Variants in RASA3 observed in about 807,000 individuals in gnomAD.
The protein encoded by RASA3 is ras GTPase-activating protein 3.
A neutral mutation model predicts 110.0 loss-of-function variants in RASA3; 73 were observed. That is an observed-to-expected ratio of 0.66 (90% CI 0.55 to 0.81). RASA3 has a LOEUF of 0.81. Among genes scored for constraint, RASA3 ranks in the 30% least tolerant of loss-of-function variants. The pLI is 0.00. For synonymous variants in RASA3, 500 were observed against 451.4 expected (o/e 1.11, Z -1.37); for missense variants, 976 against 1,113.2 (o/e 0.88, Z 1.75).
chr13:114,014,122 C>T lies in RASA3; in HGVS notation c.1406-874G>A, dbSNP rs2053737529. Among the ~76,000 whole-genome samples, 1 of 150,782 alleles carries T rather than the reference C, an allele frequency of 6.6e-6. No individual in the cohort carries two copies. The highest frequency in any genetic ancestry group is 2.1e-4 in the South Asian group (1 of 4,810). On this transcript the variant is annotated intron_variant, in intron 14 of 23. Coordinates refer to ENST00000334062, the MANE Select transcript of RASA3 (RefSeq NM_007368.4). The surrounding 1 kb of genome is among the most constrained non-coding windows in gnomAD (Gnocchi z 4.5). Reference sequence around the variant, plus strand: ...TCTCTCCCTGTCTCTCTCTCTCTCTCCTTGTCTCTCTCTGTCTCTCTCCTT... The same window carrying T: ...TCTCTCCCTGTCTCTCTCTCTCTCTTCTTGTCTCTCTCTGTCTCTCTCCTT...
chr13:114,047,373 G>A lies in RASA3; in HGVS notation c.277+4679C>T, dbSNP rs1057402064. On this transcript the variant is annotated intron_variant, in intron 3 of 23. Transcript: ENST00000334062. ...AGTACACACCTATGGGAGTGCAAAC[G>A]GTAACTAGAGAATAAAAACTCACAG... 3.3e-5 allele frequency among the ~76,000 whole-genome samples: 5 copies of A among 152,294 alleles called. 1 individual carries two copies. The highest frequency in any genetic ancestry group is 9.6e-5 in the African/African-American group (4 of 41,564).
At chr13:114,036,154 TCGCTGGCATCTGA>T (rs1304082666) in intron 4 of RASA3, 1 of 152,256 alleles carries the variant, frequency 6.6e-6, no homozygotes, top group Non-Finnish European at 1.5e-5. Context: ...GGCGGTGCCC[TCGCTGGCATCTGA>T]CGCTGGCATC....
chr13:114,019,225 C>G lies in RASA3; in HGVS notation c.786-306G>C, dbSNP rs559121513. 3.9e-5 allele frequency among the ~76,000 whole-genome samples: 6 copies of G among 152,302 alleles called. No individual in the cohort carries two copies. The South Asian group carries it at 1.2e-3, about 32-fold the overall frequency. On this transcript the variant is annotated intron_variant, in intron 9 of 23. Coordinates refer to ENST00000334062, the MANE Select transcript of RASA3 (RefSeq NM_007368.4). The stretch of plus-strand genomic sequence containing the variant: ...ACCGGCACAGAAGTGGTCAGTGACC[C>G]GCCCTAAGACCCACACCCAGCAGTG...
At chr13:114,066,105 G>A (rs1168831814) in intron 2 of RASA3, among the ~76,000 whole-genome samples, 5 of 147,510 alleles carry the variant, frequency 3.4e-5, no homozygotes, top group Non-Finnish European at 4.4e-5. Flanking sequence ...AGCACCCCGG[G>A]ACACTGTGGC....
chr13:113,993,456 G>A (rs1450815013), intron 21 of RASA3, among the ~76,000 whole-genome samples: 6 of 152,064 alleles, frequency 3.9e-5, no homozygotes, highest in Admixed American at 1.3e-4. Context: ...GATTACAGGC[G>A]TGAGCCACTG....
intron 3 of RASA3, among the ~76,000 whole-genome samples, chr13:114,042,088 A>G (rs898843798): frequency 2.0e-5 from 3 of 152,378 alleles, no homozygotes; most frequent in South Asian, 4.1e-4. Context: ...GTATGGATTT[A>G]TATGTGTAAA....
chr13:114,040,629 C>T (rs1025741444), intron 4 of RASA3, among the ~76,000 whole-genome samples: 3 of 139,766 alleles, frequency 2.1e-5, no homozygotes, highest in Non-Finnish European at 3.1e-5. Flanking sequence ...GGCGAACACG[C>T]ACAACCCAAA....
At chr13:114,037,986 T>C (rs2054312272) in intron 4 of RASA3, among the ~76,000 whole-genome samples, 1 of 151,858 alleles carries the variant, frequency 6.6e-6, no homozygotes, top group East Asian at 1.9e-4. Flanking sequence ...CCTTCCGTTT[T>C]CAGGGAAAGG....
chr13:114,089,299 A>AG lies in RASA3; in HGVS notation c.56-15463dup, dbSNP rs941894354. 4.1e-4 allele frequency among the ~76,000 whole-genome samples: 6 copies of AG among 14,784 alleles called. No individual in the cohort carries two copies. The East Asian group carries it at 8.4e-3, about 21-fold the overall frequency. The allele number at this position is 14,784 out of a possible 152,430, so 9.7% of individuals were successfully genotyped here. A position where few individuals can be genotyped will look rare whatever the true frequency, so the allele number is the denominator to read the frequency against. ...AGACGAGGGGAGACGAGCGGGGAGG[A>AG]GGGGGGGAGGAGGGGGGAGGGGGAA... On this transcript the variant is annotated intron_variant, in intron 1 of 23. Coordinates refer to ENST00000334062, the MANE Select transcript of RASA3 (RefSeq NM_007368.4).
rs747411335 is a variant in RASA3, at chr13:114,015,260, T to G, written c.1354A>C (p.Met452Leu). The G allele has an allele frequency of 2.5e-6, 4 of 1,613,088 alleles. No individual in the cohort carries two copies. The African/African-American group carries it at 4.0e-5, about 16-fold the overall frequency. Residue 452 changes from methionine (M) to leucine (L), a missense_variant, in exon 14 of 24, where the codon ATG becomes CTG. Transcript: ENST00000334062. The stretch of plus-strand genomic sequence containing the variant: ...CGGAGGGAGAAGAAGATGTCACACA[T>G]GACGGTCGGGCAGCTCACCCCAGAC... ...TESGVSCPTV[M>L]CDIFFSLREA...
chr13:114,066,058 G>GCACGCCACACACCA (rs1251225033), intron 2 of RASA3, among the ~76,000 whole-genome samples: 2 of 151,530 alleles, frequency 1.3e-5, no homozygotes, highest in African/African-American at 2.4e-5. Flanking sequence ...TGGTCGCCAG[G>GCACGCCACACACCA]CACGCCACAC....
At chr13:114,009,881 G>T (rs2053594987) in intron 16 of RASA3, among the ~76,000 whole-genome samples, 1 of 152,242 alleles carries the variant, frequency 6.6e-6, no homozygotes, top group South Asian at 2.1e-4. Flanking sequence ...CTCTGAGGTG[G>T]GAAGAGGGGG....
chr13:114,043,094 C>T (rs2054449018), intron 3 of RASA3, among the ~76,000 whole-genome samples: 1 of 152,112 alleles, frequency 6.6e-6, no homozygotes. Context: ...ATCTCAGAGC[C>T]CGTGGGCCTG....
chr13:113,983,043 C>T lies in RASA3; in HGVS notation c.2246-1185G>A, dbSNP rs548134979. Among the ~76,000 whole-genome samples the T allele has an allele frequency of 5.3e-5, 8 of 150,776 alleles. No homozygotes were observed. The South Asian group carries it at 1.7e-3, about 32-fold the overall frequency. On this transcript the variant is annotated intron_variant, in intron 22 of 23. Coordinates refer to ENST00000334062, the MANE Select transcript of RASA3 (RefSeq NM_007368.4). ...TACTGAGAAGTGGCTGCTGCTGTAC[C>T]TTCAAATGTGGACTGGCTTTGGAAC...
At chr13:114,130,738 G>A (rs1267014754) in intron 1 of RASA3, among the ~76,000 whole-genome samples, 2 of 152,192 alleles carry the variant, frequency 1.3e-5, no homozygotes, top group African/African-American at 4.8e-5. Flanking sequence ...TGCCGGCTGT[G>A]GGCCCCCCAC....
chr13:113,982,687 A>G (rs765697657), intron 22 of RASA3, among the ~76,000 whole-genome samples: 1 of 152,148 alleles, frequency 6.6e-6, no homozygotes, highest in South Asian at 2.1e-4. Flanking sequence ...TGTGCCCCCA[A>G]ATCTGTGGGT....
intron 3 of RASA3, among the ~76,000 whole-genome samples, chr13:114,042,871 G>A (rs148626133): frequency 5.9e-5 from 9 of 152,316 alleles, no homozygotes; most frequent in African/African-American, 1.9e-4. Context: ...GGTGACCCTG[G>A]AGGAGCAGGT....
intron 4 of RASA3, among the ~76,000 whole-genome samples, chr13:114,039,349 C>A (rs1446280429): frequency 6.8e-6 from 1 of 147,360 alleles, no homozygotes; most frequent in Non-Finnish European, 1.5e-5. Flanking sequence ...AGCAACCCTA[C>A]ACTCAGACAC....
At chr13:114,017,821 A>G (rs944175916) in intron 11 of RASA3, among the ~76,000 whole-genome samples, 1 of 152,162 alleles carries the variant, frequency 6.6e-6, no homozygotes, top group Non-Finnish European at 1.5e-5. Flanking sequence ...GTGGGCTCCC[A>G]AAGTGCCCCA....
Sources: allele counts gnomAD v4.1 joint callset (sites outside exome capture counted in the v4.1 genomes callset), GRCh38; gene constraint gnomAD v4.1.1; non-coding constraint Gnocchi (gnomAD v3.1); transcripts MANE v1.5; gene names NCBI Gene and HGNC (gene_info 2026-07-23, HGNC 2026-07-21).